Variants in FBXW7 observed in about 807,000 individuals in gnomAD.
FBXW7 encodes the protein F-box and WD repeat domain containing 7, also known as F-box/WD repeat-containing protein 7.
A neutral mutation model predicts 86.3 loss-of-function variants in FBXW7; 11 were observed. That is an observed-to-expected ratio of 0.13 (90% confidence interval 0.08 to 0.21). The LOEUF (loss-of-function observed/expected upper bound fraction) is 0.21. Ranked by LOEUF, FBXW7 falls within the 10% of genes least tolerant of loss-of-function variation. The pLI is 1.00. For synonymous variants in FBXW7, 313 were observed against 297.9 expected (o/e 1.05, Z -0.52); for missense variants, 488 against 847.4 (o/e 0.58, Z 5.27).
rs943528840 is a variant in FBXW7 at position 152,490,697 on chromosome 4, G to A, written c.-120+44244C>T. ...TAAATACTCCATGGAAATATGAACT[G>A]GCAAAAATCAAAACATAATCCTGCA... On this transcript the variant is annotated intron_variant, in intron 2 of 13. Transcript: ENST00000281708. Among the ~76,000 whole-genome samples the A allele has an allele frequency of 4.6e-5, 7 of 152,006 alleles. No individual in the cohort carries two copies. In the East Asian group the frequency reaches 1.2e-3, roughly 25 times the overall value.
chr4:152,488,907 C>A (rs1024173563), intron 2 of FBXW7, among the ~76,000 whole-genome samples: 1 of 151,950 alleles, frequency 6.6e-6, no homozygotes, highest in Non-Finnish European at 1.5e-5. Flanking sequence ...ACAATTCCTG[C>A]CCTCAAGCAA....
chr4:152,326,554 C>T (rs1729039434), intron 11 of FBXW7, among the ~76,000 whole-genome samples: 1 of 151,490 alleles, frequency 6.6e-6, no homozygotes, highest in Non-Finnish European at 1.5e-5. Context: ...GCAGAAGCTG[C>T]CTCTAAATAT....
At chr4:152,401,242 T>G (rs1736899879) in intron 4 of FBXW7, among the ~76,000 whole-genome samples, 1 of 152,130 alleles carries the variant, frequency 6.6e-6, no homozygotes, top group Admixed American at 6.5e-5. Flanking sequence ...TGCACACAGA[T>G]TTTCACAAGC....
intron 2 of FBXW7, among the ~76,000 whole-genome samples, chr4:152,499,175 C>T (rs1212532132): frequency 6.6e-6 from 1 of 152,130 alleles, no homozygotes; most frequent in Non-Finnish European, 1.5e-5. Flanking sequence ...GACAACAAGG[C>T]TCACTAGTAT....
chr4:152,519,985 T>C (rs1242913816), intron 2 of FBXW7, among the ~76,000 whole-genome samples: 1 of 152,222 alleles, frequency 6.6e-6, no homozygotes, highest in Non-Finnish European at 1.5e-5. Context: ...TAAATAACGG[T>C]TGTAAAAATC....
At chr4:152,336,046 A>G (rs1425141662) in intron 7 of FBXW7, among the ~76,000 whole-genome samples, 1 of 152,174 alleles carries the variant, frequency 6.6e-6, no homozygotes, top group African/African-American at 2.4e-5. Flanking sequence ...AATGTTTTAA[A>G]TAATAATACT....
At position 152,525,147 on chromosome 4, in the gene FBXW7, T is replaced by C. The variant is rs999464142; in HGVS notation, c.-120+9794A>G. On this transcript the variant is annotated intron_variant, in intron 2 of 13. Transcript: ENST00000281708. ...ATCGTTACCAATAAAGAAAAGTATT[T>C]AAAATGCTGAAATTTTTTAAACTAG... Among the ~76,000 whole-genome samples, 14 of 152,172 alleles carry C rather than the reference T, an allele frequency of 9.2e-5. No individual in the cohort carries two copies. In the South Asian group the frequency reaches 1.2e-3, roughly 14 times the overall value.
chr4:152,411,265 A>G (rs1737929003), intron 4 of FBXW7, 38 bp downstream of exon 4: 1 of 1,512,160 alleles, frequency 6.6e-7, no homozygotes, highest in Non-Finnish European at 8.9e-7. Flanking sequence ...ATAGATATGT[A>G]AAGTTTCTCA....
intron 11 of FBXW7, 108 bp downstream of exon 11, chr4:152,328,100 T>C (rs753512217): frequency 1.6e-5 from 14 of 880,982 alleles, no homozygotes; most frequent in Non-Finnish European, 2.4e-5. Context: ...AATAATTAAA[T>C]CTAATTTAAG....
chr4:152,480,867 T>G (rs1336804498), intron 2 of FBXW7, among the ~76,000 whole-genome samples: 1 of 152,160 alleles, frequency 6.6e-6, no homozygotes, highest in East Asian at 1.9e-4. Flanking sequence ...GGTTATTTCA[T>G]GAGGTTTAAG....
intron 2 of FBXW7, among the ~76,000 whole-genome samples, chr4:152,459,911 A>G (rs1304895469): frequency 2.0e-5 from 3 of 152,214 alleles, no homozygotes; most frequent in Non-Finnish European, 4.4e-5. Flanking sequence ...GATAAGGGGG[A>G]CTACTATATA....
At chr4:152,382,333 C>G (rs1309176439) in intron 4 of FBXW7, 1 of 1,567,040 alleles carries the variant, frequency 6.4e-7, no homozygotes, top group South Asian at 1.2e-5. Flanking sequence ...CCGGTTTTGA[C>G]ATTTTAAAAC....
In FBXW7 at chr4:152,382,551, G is replaced by T. The variant is rs1735188650; in HGVS notation, c.501+28752C>A. The T allele has an allele frequency of 6.5e-6, 7 of 1,082,126 alleles. 1 individual carries two copies. In the South Asian group the frequency reaches 2.8e-4, roughly 43 times the overall value. 67.0% of individuals were successfully genotyped at this position (1,082,126 alleles called of 1,614,324 possible). A position where few individuals can be genotyped will look rare whatever the true frequency, so the allele number is the denominator to read the frequency against. On this transcript the variant is annotated intron_variant, in intron 4 of 13. Transcript: ENST00000281708. ...GTGCAAACTATCCTAGAATAGCCAG[G>T]AATTATAAACTACTGAAGTGAAAGC...
intron 2 of FBXW7, among the ~76,000 whole-genome samples, chr4:152,499,772 G>A (rs576171041): frequency 1.3e-4 from 19 of 151,974 alleles, no homozygotes; most frequent in South Asian, 6.2e-4. Flanking sequence ...TGCCCAGGCT[G>A]GCCAACTCAC....
chr4:152,483,691 C>T (rs1026676060), intron 2 of FBXW7, among the ~76,000 whole-genome samples: 3 of 151,940 alleles, frequency 2.0e-5, no homozygotes, highest in Admixed American at 1.3e-4. Context: ...AAGTGAGACC[C>T]TGTCTCCAAA....
chr4:152,321,881 C>T lies in FBXW7; in HGVS notation c.*1000G>A, dbSNP rs1728587217. On this transcript the variant is annotated 3_prime_UTR_variant, in exon 14 of 14. Coordinates refer to ENST00000281708, the MANE Select transcript of FBXW7 (RefSeq NM_001349798.2). Reference sequence around the variant, plus strand: ...ATAAGCTTTGCACACACTCTCAATTCTTTACTTGCAGGCAAACTTCACTCT... The same window carrying T: ...ATAAGCTTTGCACACACTCTCAATTTTTTACTTGCAGGCAAACTTCACTCT... The T allele has an allele frequency of 4.3e-6, 1 of 232,600 alleles. No individual in the cohort carries two copies. The highest frequency in any genetic ancestry group is 1.8e-4 in the South Asian group (1 of 5,516). 14.4% of individuals were successfully genotyped at this position (232,600 alleles called of 1,614,324 possible).
intron 2 of FBXW7, among the ~76,000 whole-genome samples, chr4:152,413,560 G>C (rs2126888741): frequency 6.6e-6 from 1 of 152,174 alleles, no homozygotes; most frequent in East Asian, 1.9e-4. Flanking sequence ...ACACCCAACT[G>C]AGTCTCCTTT....
chr4:152,469,129 C>T (rs1743716089), intron 2 of FBXW7, among the ~76,000 whole-genome samples: 1 of 152,012 alleles, frequency 6.6e-6, no homozygotes, highest in South Asian at 2.1e-4. Flanking sequence ...ATGCTTATCA[C>T]TAAATATTTC....
intron 2 of FBXW7, among the ~76,000 whole-genome samples, chr4:152,490,670 C>T (rs565423816): frequency 2.6e-5 from 4 of 152,154 alleles, no homozygotes; most frequent in African/African-American, 9.6e-5. Flanking sequence ...GTTAAAATTG[C>T]CTAAATACTC....
Sources: gnomAD v4.1 joint callset for allele counts (sites outside exome capture counted in the v4.1 genomes callset) on GRCh38, gnomAD v4.1.1 for gene constraint, MANE v1.5 for transcripts, NCBI Gene and HGNC (gene_info 2026-07-23, HGNC 2026-07-21) for gene names.